BBX: variants seen among roughly 807,000 people sequenced by gnomAD.
BBX encodes the protein HMG box transcription factor BBX.
A neutral mutation model predicts 100.2 loss-of-function variants in BBX; 30 were observed. The observed-to-expected ratio is 0.30, with a 90% CI of 0.22 to 0.41. The LOEUF is 0.41. BBX is among the 10% of genes least tolerant of loss of function. The pLI is 1.00. For missense variants in BBX, 1,023 were observed against 1,129.8 expected (o/e 0.91, Z 1.35); for synonymous variants, 376 against 388.1 (o/e 0.97, Z 0.37).
At position 107,541,661 on chromosome 3, in the gene BBX, TC is replaced by T. The variant is rs201732492; in HGVS notation, c.-84+15272del. 1.3e-3 allele frequency among the ~76,000 whole-genome samples: 197 copies of T among 149,902 alleles called. 2 individuals are homozygous for T. Among genetic ancestry groups the T allele is most frequent in the African/African-American group, 3.4e-3 (138 of 40,790 alleles). ...TTGGATTATATTTAGATTATGTTAATCCCCCCCCCATGAGACATATTTCTGA... is the reference window on the plus strand; with the variant it reads ...TTGGATTATATTTAGATTATGTTAATCCCCCCCCATGAGACATATTTCTGA... On this transcript the variant is annotated intron_variant, in intron 2 of 17. Transcript: ENST00000325805.
At chr3:107,582,281 T>C (rs2052341921) in intron 2 of BBX, among the ~76,000 whole-genome samples, 1 of 151,922 alleles carries the variant, frequency 6.6e-6, no homozygotes, top group Non-Finnish European at 1.5e-5. Context: ...GCATATGGCA[T>C]ATGTGGAAGC....
At chr3:107,639,611 A>G (rs192931958) in intron 2 of BBX, among the ~76,000 whole-genome samples, 3 of 152,236 alleles carry the variant, frequency 2.0e-5, no homozygotes, top group East Asian at 1.9e-4. Context: ...CATTGATACA[A>G]TTCATAGGAG....
At chr3:107,533,622 A>G (rs1412744362) in intron 2 of BBX, among the ~76,000 whole-genome samples, 1 of 152,196 alleles carries the variant, frequency 6.6e-6, no homozygotes, top group African/African-American at 2.4e-5. Context: ...TGAACCTCTT[A>G]TATTCCATTT....
chr3:107,587,415 T>C (rs930655135), intron 2 of BBX, among the ~76,000 whole-genome samples: 1 of 151,924 alleles, frequency 6.6e-6, no homozygotes, highest in Non-Finnish European at 1.5e-5. Context: ...CATATTGGAA[T>C]GATTTGGATC....
chr3:107,787,164 A>G lies in BBX; in HGVS notation c.2204-2623A>G, dbSNP rs140992636. ...TAATAACAAATGTTGACAAAGATGT[A>G]GAGAAATTGGCCTAAGCTTTATTAT... On this transcript the variant is annotated intron_variant, in intron 13 of 17. Coordinates refer to ENST00000325805, the MANE Select transcript of BBX (RefSeq NM_001142568.3). 4.4e-3 allele frequency among the ~76,000 whole-genome samples: 669 copies of G among 152,314 alleles called. 6 individuals are homozygous for G. Among genetic ancestry groups the G allele is most frequent in the Non-Finnish European group, 4.3e-3 (295 of 68,020 alleles).
chr3:107,552,347 T>TAA (rs76443530), intron 2 of BBX, among the ~76,000 whole-genome samples: 4 of 45,964 alleles, frequency 8.7e-5, no homozygotes, highest in Non-Finnish European at 1.7e-4. Flanking sequence ...CCTGTTTCAT[T>TAA]AAAAAAAAAA....
At chr3:107,573,959 G>C (rs9758102) in intron 2 of BBX, among the ~76,000 whole-genome samples, 15,765 of 152,090 alleles carry the variant, frequency 0.1, 923 homozygotes, top group Non-Finnish European at 0.12. Context: ...TCCTGATCTC[G>C]GGTGATCCAC....
At chr3:107,697,731 C>G (rs1037815743) in intron 3 of BBX, among the ~76,000 whole-genome samples, 16 of 151,844 alleles carry the variant, frequency 1.1e-4, no homozygotes, top group South Asian at 2.1e-4. Flanking sequence ...CCACCCAGTT[C>G]GAGCTTCCTG....
chr3:107,553,570 G>A (rs1225074384), intron 2 of BBX, among the ~76,000 whole-genome samples: 2 of 152,172 alleles, frequency 1.3e-5, no homozygotes, highest in Non-Finnish European at 2.9e-5. Context: ...GGGACCTGGG[G>A]CCTAATAGGA....
rs145544960 is a variant in BBX, at chr3:107,694,802, T to A, written c.-9-15650T>A. On this transcript the variant is annotated intron_variant, in intron 3 of 17. Transcript: ENST00000325805. ...TTCCTCCTTGTACCTCTGATATAATTCAGCTGTGAATCCATCTGGTCCTGG... is the reference window on the plus strand; with the variant it reads ...TTCCTCCTTGTACCTCTGATATAATACAGCTGTGAATCCATCTGGTCCTGG... 1.9e-3 allele frequency among the ~76,000 whole-genome samples: 284 copies of A among 151,956 alleles called. 15 individuals are homozygous for A. Among genetic ancestry groups the A allele is most frequent in the African/African-American group, 6.7e-3 (274 of 41,202 alleles).
At chr3:107,743,918 G>GTTTTTTTTTTTTTTTTTTTTTTATT (rs2064328593) in intron 7 of BBX, among the ~76,000 whole-genome samples, 1 of 56,622 alleles carries the variant, frequency 1.8e-5, no homozygotes, top group African/African-American at 7.0e-5. Context: ...TGTTTTAGTG[G>GTTTTTTTTTTTTTTTTTTTTTTATT]TTTTTTTTTT....
rs149104597 is a variant in BBX at position 107,791,277 on chromosome 3, G to A, written c.2331G>A (p.Leu777=). 3.7e-6 allele frequency: 6 copies of A among 1,613,140 alleles called. No homozygotes were observed. Among genetic ancestry groups the A allele is most frequent in the Non-Finnish European group, 5.1e-6 (6 of 1,179,384 alleles). The change falls in exon 15 of 18, where the codon TTG becomes TTA. Residue 777 remains leucine, a synonymous_variant. Coordinates refer to ENST00000325805, the MANE Select transcript of BBX (RefSeq NM_001142568.3). ...AATGGTCAAACAAGCAACTCTTCTT[G>A]GATGCCATTCACCCTACAGAAGGTA... ...GDKWSNKQLF[L]DAIHPTEAIF...
intron 2 of BBX, among the ~76,000 whole-genome samples, chr3:107,549,120 T>C (rs1306395148): frequency 1.3e-5 from 2 of 152,096 alleles, no homozygotes; most frequent in Non-Finnish European, 2.9e-5. Flanking sequence ...AACCCTACAC[T>C]TGTATTCCCT....
intron 13 of BBX, among the ~76,000 whole-genome samples, chr3:107,779,391 T>C (rs1168437963): frequency 6.6e-6 from 1 of 152,024 alleles, no homozygotes; most frequent in Non-Finnish European, 1.5e-5. Context: ...TAAAGATTGA[T>C]AGGGAAAATG....
intron 2 of BBX, among the ~76,000 whole-genome samples, chr3:107,639,483 C>T (rs1291548495): frequency 6.6e-6 from 1 of 152,158 alleles, no homozygotes; most frequent in Non-Finnish European, 1.5e-5. Flanking sequence ...CCCAAAGATC[C>T]TGGGGCTTCC....
At chr3:107,599,465 T>C (rs2053903816) in intron 2 of BBX, 1 of 151,560 alleles carries the variant, frequency 6.6e-6, no homozygotes, top group Non-Finnish European at 1.5e-5. Flanking sequence ...GAGGAAACAA[T>C]TTTTTTTAAA....
intron 7 of BBX, among the ~76,000 whole-genome samples, chr3:107,743,482 C>T (rs973603496): frequency 6.6e-6 from 1 of 152,236 alleles, no homozygotes; most frequent in Non-Finnish European, 1.5e-5. Context: ...ATAAAAGCTT[C>T]TGCACCTTCA....
chr3:107,557,854 A>T (rs953187226), intron 2 of BBX, among the ~76,000 whole-genome samples: 1 of 152,226 alleles, frequency 6.6e-6, no homozygotes, highest in African/African-American at 2.4e-5. Flanking sequence ...TGGCTAAGGG[A>T]TAGATAGACT....
intron 13 of BBX, among the ~76,000 whole-genome samples, chr3:107,785,800 T>A (rs954575813): frequency 1.3e-5 from 2 of 152,028 alleles, no homozygotes; most frequent in African/African-American, 4.8e-5. Flanking sequence ...CACCACTTAT[T>A]CAACATTGGA....
Sources: allele counts gnomAD v4.1 joint callset (sites outside exome capture counted in the v4.1 genomes callset), GRCh38; gene constraint gnomAD v4.1.1; transcripts MANE v1.5; gene names NCBI Gene and HGNC (gene_info 2026-07-23, HGNC 2026-07-21).